Variants in FTO observed in about 807,000 individuals in gnomAD.
The protein encoded by FTO is FTO alpha-ketoglutarate dependent dioxygenase.
FTO carries 47 observed loss-of-function variants against 63.9 expected under a neutral mutation model. The ratio of observed to expected loss-of-function variants is 0.74; its 90% CI spans 0.58 to 0.94. FTO has a LOEUF of 0.94. FTO is among the 40% of genes least tolerant of loss of function. FTO has a pLI of 0.00. For synonymous variants in FTO, 207 were observed against 224.4 expected (o/e 0.92, Z 0.69); for missense variants, 562 against 618.1 (o/e 0.91, Z 0.96).
At chr16:53,960,797 G>A (rs1210694975) in intron 8 of FTO, among the ~76,000 whole-genome samples, 1 of 152,030 alleles carries the variant, frequency 6.6e-6, no homozygotes. Context: ...CAGATCCAGA[G>A]CAAAGACAAA....
At chr16:54,093,244 A>G (rs1225390307) in intron 8 of FTO, among the ~76,000 whole-genome samples, 2 of 152,194 alleles carry the variant, frequency 1.3e-5, no homozygotes, top group African/African-American at 4.8e-5. Context: ...TGCTAGAAAG[A>G]ACAGTTTAAA....
At chr16:53,890,328 AC>A in intron 7 of FTO, among the ~76,000 whole-genome samples, 1 of 152,202 alleles carries the variant, frequency 6.6e-6, no homozygotes, top group East Asian at 1.9e-4. Flanking sequence ...GTTTAGAGAT[AC>A]ATGTACCTTC....
intron 8 of FTO, among the ~76,000 whole-genome samples, chr16:54,102,318 AG>A (rs1262726594): frequency 6.6e-6 from 1 of 152,228 alleles, no homozygotes; most frequent in Non-Finnish European, 1.5e-5. Flanking sequence ...ATTTACAGTG[AG>A]ACACTCTGGT....
Position 53,826,273 on chromosome 16 carries a change from G to C in FTO, c.533G>C (p.Arg178Thr), listed in dbSNP as rs1248824944. ...TTGTGTATGTCTGCAGATTTCCCCAGGGTTGGGATGGGTTCATCCTACAAC... is the reference window on the plus strand; with the variant it reads ...TTGTGTATGTCTGCAGATTTCCCCACGGTTGGGATGGGTTCATCCTACAAC... ...VPLCMSADFP[R>T]VGMGSSYNGQ... The change falls in exon 3 of 9, where the codon AGG becomes ACG. Residue 178 changes from arginine (R) to threonine (T), a missense_variant. Transcript: ENST00000471389. The C allele has an allele frequency of 1.2e-6, 2 of 1,614,032 alleles. No homozygotes were observed. The highest frequency in any genetic ancestry group is 4.5e-5 in the East Asian group (2 of 44,894).
chr16:54,038,175 G>A (rs1296005631), intron 8 of FTO, among the ~76,000 whole-genome samples: 2 of 152,196 alleles, frequency 1.3e-5, no homozygotes, highest in Non-Finnish European at 2.9e-5. Flanking sequence ...CCCCAGACAG[G>A]ATGACCCACT....
chr16:53,810,641 A>T (rs895529428), intron 2 of FTO, among the ~76,000 whole-genome samples: 1 of 152,216 alleles, frequency 6.6e-6, no homozygotes, highest in Admixed American at 6.5e-5. Context: ...ACCACCTAGC[A>T]CATGGTATTG....
intron 8 of FTO, chr16:53,965,706 C>G (rs2083182412): frequency 6.6e-6 from 1 of 152,136 alleles, no homozygotes; most frequent in African/African-American, 2.4e-5. Flanking sequence ...TCTCTCTTTT[C>G]TCTCTGTTTT....
intron 7 of FTO, among the ~76,000 whole-genome samples, chr16:53,891,290 C>A: frequency 6.6e-6 from 1 of 151,560 alleles, no homozygotes; most frequent in Admixed American, 6.6e-5. Context: ...CCATGCCTAG[C>A]CCTTGATTTT....
intron 7 of FTO, 68 bp from the exon 8 acceptor site, chr16:53,933,917 G>A: frequency 6.7e-7 from 1 of 1,498,312 alleles, no homozygotes; most frequent in Non-Finnish European, 9.1e-7. Context: ...GTCCTTATTT[G>A]CTTATGGGCT....
chr16:53,790,471 C>T (rs2077881503), intron 1 of FTO, among the ~76,000 whole-genome samples: 1 of 150,144 alleles, frequency 6.7e-6, no homozygotes, highest in South Asian at 2.1e-4. Context: ...AATCCCAGCA[C>T]TTTGGGAGCC....
chr16:53,901,131 C>T (rs2081393134), intron 7 of FTO, among the ~76,000 whole-genome samples: 2 of 152,338 alleles, frequency 1.3e-5, no homozygotes, highest in East Asian at 3.9e-4. Context: ...CTTTCAAGAC[C>T]TGTCTGCTTT....
intron 8 of FTO, among the ~76,000 whole-genome samples, chr16:53,997,425 G>A (rs1485301226): frequency 2.0e-5 from 3 of 151,982 alleles, no homozygotes; most frequent in South Asian, 4.2e-4. Context: ...GGGTACTATC[G>A]GAGATCAGAT....
intron 8 of FTO, among the ~76,000 whole-genome samples, chr16:54,090,637 A>G (rs1397775733): frequency 6.6e-6 from 1 of 152,232 alleles, no homozygotes; most frequent in Non-Finnish European, 1.5e-5. Context: ...GAAAGATCTC[A>G]TAATATGGAA....
intron 8 of FTO, among the ~76,000 whole-genome samples, chr16:54,059,893 G>GTT (rs201347567): frequency 4.6e-5 from 7 of 151,304 alleles, no homozygotes; most frequent in South Asian, 2.1e-4. Context: ...ACTATAATTA[G>GTT]TTTTTTTTTG....
In FTO at chr16:53,735,595, T is replaced by G. The variant is rs922389947; in HGVS notation, c.45+31366T>G. Among the ~76,000 whole-genome samples the G allele has an allele frequency of 2.6e-5, 4 of 152,330 alleles. No homozygotes were observed. In the East Asian group the frequency reaches 7.7e-4, roughly 29 times the overall value. On this transcript the variant is annotated intron_variant, in intron 1 of 8. Coordinates refer to ENST00000471389, the MANE Select transcript of FTO (RefSeq NM_001080432.3). ...ATCCAAGCAAAAACAAATCTGCTCTTAATGTGGAAACTGTGGCAACTTGAG... is the reference window on the plus strand; with the variant it reads ...ATCCAAGCAAAAACAAATCTGCTCTGAATGTGGAAACTGTGGCAACTTGAG...
intron 6 of FTO, among the ~76,000 whole-genome samples, chr16:53,883,734 C>G (rs1374270204): frequency 6.7e-6 from 1 of 149,832 alleles, no homozygotes; most frequent in Non-Finnish European, 1.5e-5. Flanking sequence ...GTATCAGAAA[C>G]CTCGGCCCCC....
At chr16:53,820,866 G>A (rs555917788) in intron 2 of FTO, among the ~76,000 whole-genome samples, 15 of 152,234 alleles carry the variant, frequency 9.9e-5, no homozygotes, top group African/African-American at 3.6e-4. Context: ...AGGAGCCTGG[G>A]GGAAGTATTT....
At chr16:54,030,886 C>A (rs2084813277) in intron 8 of FTO, among the ~76,000 whole-genome samples, 1 of 152,122 alleles carries the variant, frequency 6.6e-6, no homozygotes, top group South Asian at 2.1e-4. Context: ...AAAAACTGTT[C>A]TTGAATCCTT....
chr16:53,750,809 A>G (rs2151569428), intron 1 of FTO, among the ~76,000 whole-genome samples: 1 of 152,340 alleles, frequency 6.6e-6, no homozygotes, highest in Middle Eastern at 3.4e-3. Flanking sequence ...GGTACATGGC[A>G]ACACAGTAGA....
Sources: gnomAD v4.1 joint callset for allele counts (sites outside exome capture counted in the v4.1 genomes callset) on GRCh38, gnomAD v4.1.1 for gene constraint, MANE v1.5 for transcripts, NCBI Gene and HGNC (gene_info 2026-07-23, HGNC 2026-07-21) for gene names.